SLC35D4: variants seen among roughly 807,000 people sequenced by gnomAD.
SLC35D4 encodes UDP-N-acetylglucosamine transporter SLC35D4.
At chr18:23,354,548 C>T in the SLC35D4 span, among the ~76,000 whole-genome samples, 1 of 148,880 alleles carries the variant, frequency 6.7e-6, no homozygotes, top group East Asian at 2.0e-4. Context: ...ATGTGCCAGG[C>T]ACTGGTGGTC....
chr18:23,422,819 C>G, the SLC35D4 span, among the ~76,000 whole-genome samples: 2 of 152,130 alleles, frequency 1.3e-5, no homozygotes, highest in Admixed American at 1.3e-4. Context: ...ACCCCTCCCC[C>G]CCCCAATGCA....
the SLC35D4 span, among the ~76,000 whole-genome samples, chr18:23,346,272 C>G: frequency 6.6e-6 from 1 of 152,116 alleles, no homozygotes; most frequent in African/African-American, 2.4e-5. Flanking sequence ...TAGCTGGGAC[C>G]ATAGGCACAT....
chr18:23,363,385 T>TG, the SLC35D4 span, among the ~76,000 whole-genome samples: 3 of 123,536 alleles, frequency 2.4e-5, no homozygotes, highest in African/African-American at 9.4e-5. Flanking sequence ...TTTTTTTTTT[T>TG]TTTTTTTTTG....
chr18:23,380,781 T>TGG, the SLC35D4 span, among the ~76,000 whole-genome samples: 1 of 150,634 alleles, frequency 6.6e-6, no homozygotes, highest in Admixed American at 6.6e-5. Context: ...AGTCAAACTG[T>TGG]GTGTGTGTGT....
At chr18:23,343,139 T>C in the SLC35D4 span, among the ~76,000 whole-genome samples, 2 of 152,202 alleles carry the variant, frequency 1.3e-5, no homozygotes, top group African/African-American at 4.8e-5. Flanking sequence ...ACCAGGCTGG[T>C]GTCGAACTCC....
the SLC35D4 span, among the ~76,000 whole-genome samples, chr18:23,298,924 G>C: frequency 6.6e-6 from 1 of 152,172 alleles, no homozygotes; most frequent in Non-Finnish European, 1.5e-5. Context: ...ACACGCCCAG[G>C]CCACGGCGCC....
chr18:23,251,059 G>A, the SLC35D4 span, among the ~76,000 whole-genome samples: 1 of 152,238 alleles, frequency 6.6e-6, no homozygotes, highest in Non-Finnish European at 1.5e-5. Context: ...GAGCTGTTAA[G>A]GAAACCTTTG....
chr18:23,353,498 C>T, the SLC35D4 span, among the ~76,000 whole-genome samples: 1 of 152,136 alleles, frequency 6.6e-6, no homozygotes, highest in Non-Finnish European at 1.5e-5. Context: ...TTGAACACAC[C>T]TAAGGCCAAA....
chr18:23,382,428 G>T, the SLC35D4 span, among the ~76,000 whole-genome samples: 2 of 152,002 alleles, frequency 1.3e-5, no homozygotes, highest in Non-Finnish European at 2.9e-5. Flanking sequence ...GCTCTGAGGA[G>T]AACCACCACG....
chr18:23,257,229 A>G, the SLC35D4 span: 1 of 1,603,060 alleles, frequency 6.2e-7, no homozygotes, highest in Non-Finnish European at 8.5e-7. Context: ...TGTTGCAGAA[A>G]CTGGAAGAGA....
the SLC35D4 span, among the ~76,000 whole-genome samples, chr18:23,271,348 T>A: frequency 3.9e-5 from 6 of 152,312 alleles, no homozygotes; most frequent in African/African-American, 1.2e-4. Context: ...CATAGTAGTA[T>A]GAAAATGGAC....
chr18:23,395,371 C>A, the SLC35D4 span, among the ~76,000 whole-genome samples: 1 of 152,196 alleles, frequency 6.6e-6, no homozygotes, highest in Non-Finnish European at 1.5e-5. Flanking sequence ...TCATCAACAT[C>A]CCCCTACCGC....
chr18:23,371,926 G>GTTTTTTTT, the SLC35D4 span, among the ~76,000 whole-genome samples: 4 of 11,862 alleles, frequency 3.4e-4, 1 homozygote, highest in African/African-American at 1.1e-3. Context: ...TTTCTTCCTT[G>GTTTTTTTT]TTTTTTTTGT....
the SLC35D4 span, chr18:23,296,824 G>A: frequency 7.9e-5 from 12 of 151,680 alleles, no homozygotes; most frequent in South Asian, 2.3e-3. Context: ...TTTCCTCTGG[G>A]GATAAGTTAG....
At chr18:23,351,767 AC>A in the SLC35D4 span, among the ~76,000 whole-genome samples, 1 of 152,064 alleles carries the variant, frequency 6.6e-6, no homozygotes, top group Non-Finnish European at 1.5e-5. Context: ...TTCCCCCACC[AC>A]TTTATCTTAT....
chr18:23,417,451 A>G, the SLC35D4 span, among the ~76,000 whole-genome samples: 1 of 152,220 alleles, frequency 6.6e-6, no homozygotes, highest in African/African-American at 2.4e-5. Context: ...CTCAATTTAT[A>G]CAAGGTACCC....
the SLC35D4 span, among the ~76,000 whole-genome samples, chr18:23,246,546 C>T: frequency 3.3e-5 from 5 of 151,966 alleles, no homozygotes; most frequent in Non-Finnish European, 5.9e-5. Context: ...CACCCGCCAC[C>T]ACACCCGGCT....
chr18:23,327,677 A>T, the SLC35D4 span, among the ~76,000 whole-genome samples: 2 of 152,198 alleles, frequency 1.3e-5, no homozygotes, highest in Non-Finnish European at 2.9e-5. Context: ...AGAAAAAAAA[A>T]TAGGGAATCC....
the SLC35D4 span, among the ~76,000 whole-genome samples, chr18:23,340,607 T>C: frequency 1.3e-5 from 2 of 152,188 alleles, no homozygotes; most frequent in Non-Finnish European, 2.9e-5. Context: ...AAGAGACTTA[T>C]TCTGAGCAAG....
Sources: gnomAD v4.1 joint callset for allele counts (sites outside exome capture counted in the v4.1 genomes callset) on GRCh38, gnomAD v4.1.1 for gene constraint, MANE v1.5 for transcripts, NCBI Gene and HGNC (gene_info 2026-07-23, HGNC 2026-07-21) for gene names.